The following ATP13A4 variants were observed in gnomAD, a reference collection of about 807,000 sequenced individuals.
ATP13A4 encodes ATPase 13A4.
Under a neutral mutation model 142.5 loss-of-function variants are expected in ATP13A4, and 114 were observed. The observed-to-expected ratio is 0.80, with a 90% CI of 0.69 to 0.93. ATP13A4 has a LOEUF of 0.93. Among genes scored for constraint, ATP13A4 ranks in the 40% least tolerant of loss-of-function variants. The pLI, the probability that ATP13A4 is intolerant of heterozygous loss-of-function variation, is 0.00. For missense variants in ATP13A4, 1,392 were observed against 1,454.0 expected (o/e 0.96, Z 0.69); for synonymous variants, 488 against 514.8 (o/e 0.95, Z 0.70).
chr3:193,548,196 T>C (rs1723333014), intron 1 of ATP13A4, among the ~76,000 whole-genome samples: 4 of 152,210 alleles, frequency 2.6e-5, no homozygotes, highest in Admixed American at 2.6e-4. Flanking sequence ...CTAGGTTTAT[T>C]TTTAAATTAC....
At chr3:193,470,818 C>A (rs1218069581) in intron 9 of ATP13A4, 41 bp downstream of exon 9, 2 of 1,613,208 alleles carry the variant, frequency 1.2e-6, no homozygotes, top group African/African-American at 2.7e-5. Context: ...GGAGTGTGGG[C>A]CAGCCCACAG....
At chr3:193,456,572 A>G (rs1717625503) in intron 16 of ATP13A4, among the ~76,000 whole-genome samples, 1 of 152,218 alleles carries the variant, frequency 6.6e-6, no homozygotes, top group African/African-American at 2.4e-5. Flanking sequence ...GAGAGCAACT[A>G]AAATAATCGT....
chr3:193,562,187 C>A (rs1225098115), intron 2 of ATP13A4, among the ~76,000 whole-genome samples: 1 of 152,050 alleles, frequency 6.6e-6, no homozygotes. Context: ...AAACCCAGAC[C>A]TAGCAAACCT....
intron 23 of ATP13A4, among the ~76,000 whole-genome samples, chr3:193,436,534 G>A (rs1458343456): frequency 1.3e-5 from 2 of 151,738 alleles, no homozygotes; most frequent in East Asian, 3.9e-4. Context: ...TGCAACCTCT[G>A]CCTACCAGGT....
At chr3:193,511,985 TC>T (rs367656756) in intron 2 of ATP13A4, among the ~76,000 whole-genome samples, 120 of 152,294 alleles carry the variant, frequency 7.9e-4, no homozygotes, top group African/African-American at 2.8e-3. Context: ...TTTCCTCCCT[TC>T]CTTTTCCATT....
chr3:193,417,418 A>G (rs773875040), intron 25 of ATP13A4, among the ~76,000 whole-genome samples: 2 of 152,258 alleles, frequency 1.3e-5, no homozygotes, highest in Non-Finnish European at 2.9e-5. Flanking sequence ...AATTTGTAAC[A>G]TCAACAATAT....
intron 21 of ATP13A4, 173 bp from the exon 22 acceptor site, chr3:193,439,238 A>T: frequency 1.5e-6 from 1 of 683,478 alleles, no homozygotes; most frequent in African/African-American, 1.8e-5. Flanking sequence ...AATACAATGG[A>T]TTTAGAAATT....
intron 25 of ATP13A4, among the ~76,000 whole-genome samples, chr3:193,433,328 TAA>T (rs1322583372): frequency 6.6e-6 from 1 of 152,040 alleles, no homozygotes; most frequent in Non-Finnish European, 1.5e-5. Flanking sequence ...TAAAAAAGAA[TAA>T]AGTCAAAAAT....
At chr3:193,559,127 T>C (rs978927563), upstream of ATP13A4, among the ~76,000 whole-genome samples, 11 of 152,254 alleles carry the variant, frequency 7.2e-5, no homozygotes, top group African/African-American at 2.7e-4. Context: ...TGTTTCATTA[T>C]ATGTTAATTT....
rs537661764 is a variant in ATP13A4, at chr3:193,411,248, T to A, written c.3209-178A>T. On this transcript the variant is annotated intron_variant, in intron 27 of 29. Transcript: ENST00000342695. ...GTCTCACCTCTTTAATTTCTATGCA[T>A]GTCCTTGAAGCAAGTGAAAATTTTC... Among the ~76,000 whole-genome samples the A allele has an allele frequency of 9.2e-5, 14 of 152,340 alleles. 1 individual carries two copies. In the South Asian group the frequency reaches 1.0e-3, roughly 11 times the overall value.
intron 9 of ATP13A4, among the ~76,000 whole-genome samples, chr3:193,470,164 A>G (rs538032333): frequency 2.8e-4 from 42 of 152,190 alleles, no homozygotes; most frequent in Non-Finnish European, 5.9e-4. Context: ...TCTTTATCTT[A>G]CAGCAATGTC....
intron 13 of ATP13A4, among the ~76,000 whole-genome samples, chr3:193,461,491 T>C (rs945769563): frequency 6.6e-6 from 1 of 152,198 alleles, no homozygotes; most frequent in African/African-American, 2.4e-5. Flanking sequence ...GAAAGAACTT[T>C]AGAGTTTAAC....
chr3:193,510,012 A>G (rs1295842648), intron 2 of ATP13A4, among the ~76,000 whole-genome samples: 1 of 152,154 alleles, frequency 6.6e-6, no homozygotes, highest in Non-Finnish European at 1.5e-5. Context: ...GCATGAATGG[A>G]GGGGAGAAGG....
At chr3:193,404,557 C>T (rs746367889) in intron 29 of ATP13A4, among the ~76,000 whole-genome samples, 91 of 152,242 alleles carry the variant, frequency 6.0e-4, no homozygotes, top group Middle Eastern at 3.4e-3. Flanking sequence ...TTGCTGTTTT[C>T]GTGATAGTGA....
chr3:193,488,866 G>A (rs1577015711), intron 7 of ATP13A4, among the ~76,000 whole-genome samples: 2 of 152,134 alleles, frequency 1.3e-5, no homozygotes, highest in Non-Finnish European at 2.9e-5. Context: ...GAGAAGAGAG[G>A]AGTCATTCAT....
intron 13 of ATP13A4, 137 bp from the exon 14 acceptor site, chr3:193,459,368 A>G (rs1162391368): frequency 9.1e-7 from 1 of 1,096,712 alleles, no homozygotes; most frequent in East Asian, 2.6e-5. Context: ...CAATCCTCCC[A>G]CATTAATAGT....
At chr3:193,457,619 C>G (rs570800231) in intron 14 of ATP13A4, among the ~76,000 whole-genome samples, 154 bp from the exon 15 acceptor site, 2 of 152,254 alleles carry the variant, frequency 1.3e-5, no homozygotes, top group Admixed American at 1.3e-4. Flanking sequence ...TATTCCGCCA[C>G]AGAAAAAAAG....
chr3:193,520,353 C>G (rs1381911706), intron 1 of ATP13A4, among the ~76,000 whole-genome samples: 1 of 152,214 alleles, frequency 6.6e-6, no homozygotes, highest in Non-Finnish European at 1.5e-5. Context: ...CTCCCAGATG[C>G]TGCTCTGTGC....
intron 2 of ATP13A4, among the ~76,000 whole-genome samples, chr3:193,507,122 A>G (rs2108679924): frequency 6.6e-6 from 1 of 152,302 alleles, no homozygotes; most frequent in Middle Eastern, 3.4e-3. Context: ...AAAAGAACCC[A>G]TTTCAAAGTT....
Sources: allele counts gnomAD v4.1 joint callset (sites outside exome capture counted in the v4.1 genomes callset), GRCh38; gene constraint gnomAD v4.1.1; transcripts MANE v1.5; gene names NCBI Gene and HGNC (gene_info 2026-07-23, HGNC 2026-07-21).